Variants in PLXNC1 observed in about 807,000 individuals in gnomAD.
The protein encoded by PLXNC1 is plexin-C1.
In PLXNC1, 75 loss-of-function variants were observed where a neutral mutation model predicts 178.2. The observed-to-expected ratio is 0.42, with a 90% confidence interval of 0.35 to 0.51. PLXNC1 has a LOEUF of 0.51. PLXNC1 is among the 20% of genes least tolerant of loss of function. The pLI is 0.02. For synonymous variants in PLXNC1, 790 were observed against 779.9 expected, an observed-to-expected ratio of 1.01 and a Z score of -0.22; for missense variants, 1,503 against 1,984.4, an observed-to-expected ratio of 0.76 and a Z score of 4.61.
At chr12:94,268,588 CT>C (rs61265662) in intron 21 of PLXNC1, among the ~76,000 whole-genome samples, 1,132 of 90,858 alleles carry the variant, frequency 0.012, 18 homozygotes, top group African/African-American at 0.044. Flanking sequence ...AGAATAAGAC[CT>C]TTTTTTTTTT....
chr12:94,187,085 T>TCGCC (rs1962539756), intron 4 of PLXNC1, among the ~76,000 whole-genome samples: 1 of 151,896 alleles, frequency 6.6e-6, no homozygotes, highest in Non-Finnish European at 1.5e-5. Flanking sequence ...CCGGCCTGGT[T>TCGCC]GGATTCGCCG....
intron 4 of PLXNC1, among the ~76,000 whole-genome samples, chr12:94,192,907 A>G (rs1382595973): frequency 6.6e-6 from 1 of 152,208 alleles, no homozygotes; most frequent in African/African-American, 2.4e-5. Flanking sequence ...ATCAATAAGT[A>G]AAGGAGATAA....
chr12:94,287,221 C>T lies in PLXNC1; in HGVS notation c.3879+4820C>T, dbSNP rs557290035. The stretch of plus-strand genomic sequence containing the variant: ...ACAAAGGGTTAAGCGTGTCTTTACA[C>T]ATGAAGCCAGAGGAGTCTTTCTCCC... On this transcript the variant is annotated intron_variant, in intron 23 of 30. Transcript: ENST00000258526. Among the ~76,000 whole-genome samples, 219 of 152,358 alleles carry T rather than the reference C, an allele frequency of 1.4e-3. 1 individual carries two copies. The highest frequency in any genetic ancestry group is 8.1e-3 in the South Asian group (39 of 4,828).
At chr12:94,184,791 AC>A (rs1238804884) in intron 3 of PLXNC1, among the ~76,000 whole-genome samples, 7 of 152,122 alleles carry the variant, frequency 4.6e-5, no homozygotes, top group African/African-American at 1.7e-4. Context: ...TGTTCTGGAG[AC>A]CCATATTCCA....
chr12:94,304,231 T>TA, intron 30 of PLXNC1, 180 bp downstream of exon 30: 1 of 511,380 alleles, frequency 2.0e-6, no homozygotes, highest in Non-Finnish European at 3.5e-6. Flanking sequence ...CTGCCCCCCT[T>TA]ACAGTTTTAT....
chr12:94,261,569 G>A (rs1419131310), intron 20 of PLXNC1, among the ~76,000 whole-genome samples: 3 of 152,154 alleles, frequency 2.0e-5, no homozygotes. Context: ...TGGCCGTTAC[G>A]ATTATAAAAT....
chr12:94,166,256 T>G (rs1208162364), intron 1 of PLXNC1, among the ~76,000 whole-genome samples: 1 of 149,314 alleles, frequency 6.7e-6, no homozygotes, highest in Admixed American at 6.6e-5. Context: ...TAAGCTTTAC[T>G]GAGGCTTACG....
chr12:94,193,692 G>A (rs938298863), intron 4 of PLXNC1, among the ~76,000 whole-genome samples: 27 of 152,202 alleles, frequency 1.8e-4, no homozygotes, highest in African/African-American at 5.1e-4. Context: ...AGACACCAGC[G>A]CTGAGTCTCA....
At chr12:94,266,601 G>T (rs926899269) in intron 21 of PLXNC1, among the ~76,000 whole-genome samples, 2 of 152,288 alleles carry the variant, frequency 1.3e-5, no homozygotes, top group East Asian at 3.9e-4. Context: ...TGGTAGAGTG[G>T]TTAACAGCAT....
intron 5 of PLXNC1, among the ~76,000 whole-genome samples, chr12:94,219,634 A>G (rs1565815786): frequency 1.3e-5 from 2 of 152,204 alleles, no homozygotes; most frequent in African/African-American, 4.8e-5. Flanking sequence ...GGAGAAAAAT[A>G]TGTGTCAGAA....
At chr12:94,181,409 T>C (rs769703803) in intron 2 of PLXNC1, 37 bp from the exon 3 acceptor site, 15 of 1,318,194 alleles carry the variant, frequency 1.1e-5, no homozygotes, top group Non-Finnish European at 1.6e-5. Flanking sequence ...AAGTATTAAA[T>C]AGAAATCATG....
intron 1 of PLXNC1, among the ~76,000 whole-genome samples, chr12:94,162,050 A>C (rs1565786993): frequency 6.6e-6 from 1 of 152,260 alleles, no homozygotes; most frequent in Non-Finnish European, 1.5e-5. Context: ...GGAGATAGTC[A>C]GTCTTATAAA....
At chr12:94,266,244 C>T (rs959496002) in intron 21 of PLXNC1, among the ~76,000 whole-genome samples, 2 of 152,128 alleles carry the variant, frequency 1.3e-5, no homozygotes, top group African/African-American at 4.8e-5. Context: ...GAGAATAGTC[C>T]GTAGGTCAGC....
rs139015264 is a variant in PLXNC1 at position 94,291,602 on chromosome 12, T to C, written c.3880-2884T>C. ...AATACAGTGGTTTTAGGTATACTTATAGAATTGAGCAACCATTGCCACAAT... is the reference window on the plus strand; with the variant it reads ...AATACAGTGGTTTTAGGTATACTTACAGAATTGAGCAACCATTGCCACAAT... On this transcript the variant is annotated intron_variant, in intron 23 of 30. Transcript: ENST00000258526. 2.1e-3 allele frequency among the ~76,000 whole-genome samples: 327 copies of C among 152,298 alleles called. 1 individual carries two copies. Among genetic ancestry groups the C allele is most frequent in the African/African-American group, 7.0e-3 (291 of 41,566 alleles).
At chr12:94,187,444 A>G (rs887830040) in intron 4 of PLXNC1, among the ~76,000 whole-genome samples, 6 of 152,206 alleles carry the variant, frequency 3.9e-5, no homozygotes, top group African/African-American at 1.2e-4. Flanking sequence ...GATGGAATTA[A>G]TTAAGAGTTC....
At chr12:94,218,378 T>G (rs947792420) in intron 5 of PLXNC1, among the ~76,000 whole-genome samples, 20 of 151,892 alleles carry the variant, frequency 1.3e-4, no homozygotes, top group Non-Finnish European at 2.1e-4. Flanking sequence ...GACAGCAGAG[T>G]CTTAGGTGGC....
chr12:94,213,475 C>A (rs955231615), intron 5 of PLXNC1, among the ~76,000 whole-genome samples: 2 of 152,162 alleles, frequency 1.3e-5, no homozygotes, highest in Non-Finnish European at 2.9e-5. Context: ...CTGTTCATAT[C>A]CTTTGCCTAC....
In PLXNC1 at chr12:94,220,019, A is replaced by G. The variant is rs1963750266; in HGVS notation, c.1558A>G (p.Thr520Ala). ...TCCCCATATCTTCCCCGCACAGACT[A>G]CAGTGACTATGGTGGGAAGCTTCTC... ...QIIRSSKEKTTVTMVGSFSPR... is the reference protein window; with the variant it reads ...QIIRSSKEKTAVTMVGSFSPR... Residue 520 changes from threonine (T) to alanine (A), a missense_variant, in exon 6 of 31, where the codon ACA (threonine) becomes GCA (alanine). Physicochemically the swap from Thr to Ala is moderately conservative, Grantham distance 58. Coordinates refer to ENST00000258526, the MANE Select transcript of PLXNC1 (RefSeq NM_005761.3). 1 of 1,613,770 alleles carries G rather than the reference A, an allele frequency of 6.2e-7. No homozygotes were observed. The highest frequency in any genetic ancestry group is 1.7e-5 in the Admixed American group (1 of 59,998).
rs371383359 is a variant in PLXNC1, at chr12:94,240,547, A to G, written c.2183A>G (p.Lys728Arg). The change falls in exon 11 of 31, where the codon AAA (lysine) becomes AGA (arginine). Residue 728 changes from lysine (K) to arginine (R), a missense_variant. This residue lies in a region of PLXNC1 where 615 missense variants were observed against 698.6 expected (regional missense o/e 0.88). Transcript: ENST00000258526. ...HMKFSLPSSR[K>R]EMKDVCIQFD... ...AAATTCTCTCTTCCATCAAGCCGGA[A>G]AGAAATGAAGGATGTGTGTATCCAG... 3.1e-6 allele frequency: 5 copies of G among 1,614,068 alleles called. No homozygotes were observed. In the African/African-American group the frequency reaches 5.3e-5, roughly 17 times the overall value.
Sources: allele counts gnomAD v4.1 joint callset (sites outside exome capture counted in the v4.1 genomes callset), GRCh38; gene constraint gnomAD v4.1.1; regional missense constraint gnomAD v4.1.1; transcripts MANE v1.5; gene names NCBI Gene and HGNC (gene_info 2026-07-23, HGNC 2026-07-21).